The following RCSD1 variants were observed in gnomAD, a reference collection of about 807,000 sequenced individuals.
RCSD1 encodes RCSD domain containing 1.
In RCSD1, 26 loss-of-function variants were observed where a neutral mutation model predicts 42.5. The ratio of observed to expected loss-of-function variants is 0.61; its 90% CI spans 0.45 to 0.85. The LOEUF is 0.85. RCSD1 is among the 40% of genes least tolerant of loss of function. The pLI is 0.00. For synonymous variants in RCSD1, 220 were observed against 212.2 expected (o/e 1.04, Z -0.32); for missense variants, 571 against 528.3 (o/e 1.08, Z -0.79).
intron 1 of RCSD1, among the ~76,000 whole-genome samples, chr1:167,660,444 C>T (rs891462213): frequency 2.0e-5 from 3 of 151,844 alleles, no homozygotes; most frequent in Admixed American, 1.3e-4. Flanking sequence ...GTTACAACCT[C>T]TATACCATTG....
chr1:167,687,817 G>A (rs1219929534), intron 3 of RCSD1, among the ~76,000 whole-genome samples: 1 of 152,212 alleles, frequency 6.6e-6, no homozygotes, highest in Non-Finnish European at 1.5e-5. Context: ...CTGACTGCAG[G>A]GCCCCTCCTG....
intron 1 of RCSD1, among the ~76,000 whole-genome samples, chr1:167,668,501 G>A (rs1237791541): frequency 2.0e-5 from 3 of 152,082 alleles, no homozygotes; most frequent in Non-Finnish European, 2.9e-5. Context: ...CTTTGGGTCA[G>A]ATTTTCTTGT....
At chr1:167,658,228 G>A (rs1408768726) in intron 1 of RCSD1, among the ~76,000 whole-genome samples, 1 of 152,134 alleles carries the variant, frequency 6.6e-6, no homozygotes. Flanking sequence ...ATACCTTTCT[G>A]TAGGATACTT....
chr1:167,700,907 T>C (rs926812968), intron 6 of RCSD1, among the ~76,000 whole-genome samples: 27 of 152,240 alleles, frequency 1.8e-4, no homozygotes, highest in Admixed American at 1.8e-3. Context: ...GACAGCATCT[T>C]CCAATCCTGA....
At chr1:167,679,783 T>C (rs1659034938) in intron 1 of RCSD1, among the ~76,000 whole-genome samples, 1 of 152,118 alleles carries the variant, frequency 6.6e-6, no homozygotes, top group Non-Finnish European at 1.5e-5. Flanking sequence ...TACTGAGACC[T>C]TGGATGAGCG....
intron 1 of RCSD1, among the ~76,000 whole-genome samples, chr1:167,649,535 G>C (rs988304774): frequency 6.6e-6 from 1 of 151,968 alleles, no homozygotes; most frequent in Non-Finnish European, 1.5e-5. Flanking sequence ...AGAGTGATGG[G>C]GGGGCAGAAA....
At chr1:167,700,784 G>A (rs1324015264) in intron 6 of RCSD1, among the ~76,000 whole-genome samples, 1 of 152,138 alleles carries the variant, frequency 6.6e-6, no homozygotes, top group Non-Finnish European at 1.5e-5. Context: ...CAATCTGTTA[G>A]TCCTTTTTGA....
Position 167,707,044 on chromosome 1 carries a change from TC to T in RCSD1, c.*2349del, listed in dbSNP as rs1355321248. ...AGTCATTCTTCCACGATCTTTGTAG[TC>T]TAGCTTGAATTTCAAACTGTGTCCT... On this transcript the variant is annotated 3_prime_UTR_variant, in exon 7 of 7. Transcript: ENST00000367854. Among the ~76,000 whole-genome samples the T allele has an allele frequency of 6.6e-6, 1 of 152,236 alleles. No homozygotes were observed. The highest frequency in any genetic ancestry group is 2.4e-5 in the African/African-American group (1 of 41,466).
intron 1 of RCSD1, among the ~76,000 whole-genome samples, chr1:167,682,791 T>C (rs1320906528): frequency 2.0e-5 from 3 of 151,990 alleles, no homozygotes; most frequent in African/African-American, 7.2e-5. Flanking sequence ...CAGGATGGAC[T>C]TTCTCAGACA....
At chr1:167,701,554 C>T (rs553184372) in intron 6 of RCSD1, among the ~76,000 whole-genome samples, 1 of 152,188 alleles carries the variant, frequency 6.6e-6, no homozygotes, top group East Asian at 1.9e-4. Flanking sequence ...GATCTGCCCA[C>T]CTCAGCCTCC....
chr1:167,697,896 C>T (rs1053355188), intron 6 of RCSD1, 54 bp downstream of exon 6: 6 of 1,439,356 alleles, frequency 4.2e-6, no homozygotes, highest in Non-Finnish European at 5.5e-6. Flanking sequence ...CCAGTGTGTG[C>T]CTCTGTCACA....
At chr1:167,668,903 G>A (rs1658726003) in intron 1 of RCSD1, among the ~76,000 whole-genome samples, 1 of 152,166 alleles carries the variant, frequency 6.6e-6, no homozygotes, top group African/African-American at 2.4e-5. Flanking sequence ...TGTATATCTA[G>A]GCATTCATAA....
At chr1:167,651,172 T>C (rs1358440340) in intron 1 of RCSD1, among the ~76,000 whole-genome samples, 3 of 152,204 alleles carry the variant, frequency 2.0e-5, no homozygotes, top group African/African-American at 2.4e-5. Flanking sequence ...TACAGTCTCA[T>C]TCTGTGGTAC....
intron 1 of RCSD1, chr1:167,641,990 T>G (rs1287708744): frequency 6.6e-6 from 1 of 152,198 alleles, no homozygotes; most frequent in Non-Finnish European, 1.5e-5. Context: ...GGCTCATTTC[T>G]TGTCCTCCCT....
At chr1:167,684,067 GC>G (rs943439743) in intron 2 of RCSD1, 66 bp downstream of exon 2, 2 of 1,327,642 alleles carry the variant, frequency 1.5e-6, no homozygotes, top group African/African-American at 1.4e-5. Flanking sequence ...ATCTGGTCAG[GC>G]CCAGCGGAGA....
intron 1 of RCSD1, among the ~76,000 whole-genome samples, chr1:167,682,251 C>A (rs980061772): frequency 6.6e-6 from 1 of 151,120 alleles, no homozygotes; most frequent in African/African-American, 2.4e-5. Flanking sequence ...CTCACTGCAA[C>A]TTCTGCCTCC....
At chr1:167,672,244 C>G (rs1658828290) in intron 1 of RCSD1, among the ~76,000 whole-genome samples, 2 of 152,198 alleles carry the variant, frequency 1.3e-5, no homozygotes, top group Admixed American at 1.3e-4. Context: ...TAAGCAGTGA[C>G]TTTCTCTTCT....
rs754320736 is a variant in RCSD1, at chr1:167,708,447, T to C, written c.*3751T>C. On this transcript the variant is annotated 3_prime_UTR_variant, in exon 7 of 7. Transcript: ENST00000367854. ...GAAAAAAGGATAAACAATGTCTCTA[T>C]ATAATGCATGATCAGGTGGTTTATG... Among the ~76,000 whole-genome samples the C allele has an allele frequency of 2.6e-5, 4 of 152,212 alleles. No individual in the cohort carries two copies. The highest frequency in any genetic ancestry group is 5.9e-5 in the Non-Finnish European group (4 of 68,032).
At chr1:167,698,886 G>A (rs1273872944) in intron 6 of RCSD1, among the ~76,000 whole-genome samples, 5 of 151,646 alleles carry the variant, frequency 3.3e-5, no homozygotes, top group African/African-American at 9.7e-5. Flanking sequence ...TGCAAGCTCC[G>A]CCTCCCGAGT....
Sources: allele counts gnomAD v4.1 joint callset (sites outside exome capture counted in the v4.1 genomes callset), GRCh38; gene constraint gnomAD v4.1.1; transcripts MANE v1.5; gene names NCBI Gene and HGNC (gene_info 2026-07-23, HGNC 2026-07-21).